The following TRIP12 variants were observed in gnomAD, a reference collection of about 807,000 sequenced individuals.
TRIP12 encodes the protein E3 ubiquitin-protein ligase TRIP12.
A neutral mutation model predicts 244.2 loss-of-function variants in TRIP12; 25 were observed. The observed-to-expected ratio is 0.10, with a 90% CI of 0.07 to 0.14. The LOEUF (loss-of-function observed/expected upper bound fraction) is 0.14, where lower values mean the gene tolerates loss of function less well. TRIP12 is among the 10% of genes least tolerant of loss of function. The pLI is 1.00. For missense variants in TRIP12, 1,677 were observed against 2,486.4 expected, an observed-to-expected ratio of 0.67 and a Z score of 6.92; for synonymous variants, 905 against 873.1, an observed-to-expected ratio of 1.04 and a Z score of -0.64.
Position 229,859,061 on chromosome 2 carries a change from G to T in TRIP12, c.738C>A (p.Ser246=). 6.2e-7 allele frequency: 1 copy of T among 1,614,026 alleles called. No individual in the cohort carries two copies. Among genetic ancestry groups the T allele is most frequent in the South Asian group, 1.1e-5 (1 of 91,078 alleles). ...AGGCCGAGGCTACAGCAGAAGACGAGGAGGAAGTAGAGGCAGCAGAAGAAG... is the reference window on the plus strand; with the variant it reads ...AGGCCGAGGCTACAGCAGAAGACGATGAGGAAGTAGAGGCAGCAGAAGAAG... ...TDSSSAASTS[S]SSSAVASASS... The change falls in exon 4 of 42, where the codon TCC becomes TCA. Residue 246 remains serine, a synonymous_variant. Transcript: ENST00000675903.
intron 8 of TRIP12, among the ~76,000 whole-genome samples, chr2:229,824,077 A>G (rs1382215009): frequency 2.0e-5 from 3 of 152,344 alleles, no homozygotes; most frequent in East Asian, 3.9e-4. Context: ...AGGTAAAACA[A>G]ATTAAATACA....
At chr2:229,811,301 A>C in intron 13 of TRIP12, 97 bp from the exon 14 acceptor site, 1 of 1,258,882 alleles carries the variant, frequency 7.9e-7, no homozygotes, top group Non-Finnish European at 1.1e-6. Context: ...CAGATTCTTC[A>C]AGGCAAGCTC....
chr2:229,888,921 G>A (rs929209169), intron 1 of TRIP12, among the ~76,000 whole-genome samples: 2 of 152,146 alleles, frequency 1.3e-5, no homozygotes, highest in Non-Finnish European at 2.9e-5. Context: ...TTTATAAAGA[G>A]AAGAGACAAT....
In TRIP12 at chr2:229,778,412, AGC is replaced by A. The variant is rs769845327; in HGVS notation, c.5364+19_5364+20del. 1.2e-5 allele frequency: 20 copies of A among 1,613,244 alleles called. No homozygotes were observed. In the East Asian group the frequency reaches 4.0e-4, roughly 32 times the overall value. On this transcript the variant is annotated intron_variant, in intron 36 of 41. Transcript: ENST00000675903. This position sits in a 1 kb window ranked among gnomAD's most constrained non-coding sequence, Gnocchi z 4.1. ...AACATTCTACACCAAAACTGCAAAA[AGC>A]AAACCATCCTAAACTTACCAATCTG...
At chr2:229,808,116 G>A (rs377728713) in intron 16 of TRIP12, 136 bp downstream of exon 16, 20 of 723,354 alleles carry the variant, frequency 2.8e-5, no homozygotes, top group African/African-American at 1.8e-4. Context: ...ACAGGCGCCC[G>A]CCACTACGCC....
chr2:229,814,476 A>G, intron 11 of TRIP12, 151 bp from the exon 12 acceptor site: 1 of 640,092 alleles, frequency 1.6e-6, no homozygotes, highest in Non-Finnish European at 2.6e-6. Flanking sequence ...AGCTTAAGCT[A>G]CAAAGTATAG....
intron 4 of TRIP12, among the ~76,000 whole-genome samples, chr2:229,852,285 TAATTAC>T (rs1436222016): frequency 2.6e-5 from 4 of 152,212 alleles, no homozygotes; most frequent in Admixed American, 6.5e-5. Flanking sequence ...ACAGGTTCCA[TAATTAC>T]TCAGATTTTG....
chr2:229,832,231 A>C (rs990220249), intron 6 of TRIP12, among the ~76,000 whole-genome samples: 2 of 152,264 alleles, frequency 1.3e-5, no homozygotes, highest in Non-Finnish European at 2.9e-5. Context: ...GGCCAAATCC[A>C]GTCCACCACA....
rs879028246 is a variant in TRIP12, at chr2:229,796,771, T to C, written c.3636A>G (p.Gly1212=). Residue 1212 remains glycine, a synonymous_variant, in exon 25 of 42, where the codon GGA becomes GGG. Transcript: ENST00000675903. ...TACGGATTTCTACAAGGCACTCAGCTCCACCATCCACCTGAAAGAGTTAGG... is the reference window on the plus strand; with the variant it reads ...TACGGATTTCTACAAGGCACTCAGCCCCACCATCCACCTGAAAGAGTTAGG... ...TEQLNLQVDG[G]AECLVEIRSI... The C allele has an allele frequency of 1.9e-6, 3 of 1,576,078 alleles. No individual in the cohort carries two copies. The highest frequency in any genetic ancestry group is 2.3e-5 in the East Asian group (1 of 44,336).
At chr2:229,791,040 A>T in intron 30 of TRIP12, 84 bp downstream of exon 30, 3 of 1,552,760 alleles carry the variant, frequency 1.9e-6, no homozygotes, top group Non-Finnish European at 2.6e-6. Flanking sequence ...TTTTACTACT[A>T]AATCCAAATC....
At chr2:229,870,860 CTTCA>C (rs946779306) in intron 2 of TRIP12, among the ~76,000 whole-genome samples, 11 of 152,152 alleles carry the variant, frequency 7.2e-5, no homozygotes, top group African/African-American at 2.7e-4. Flanking sequence ...TTGAGTGTGG[CTTCA>C]TTATTTCACT....
intron 2 of TRIP12, among the ~76,000 whole-genome samples, chr2:229,866,366 A>C (rs1235302626): frequency 6.6e-6 from 1 of 152,206 alleles, no homozygotes; most frequent in East Asian, 1.9e-4. Flanking sequence ...GACTCCAAAT[A>C]CAGATGCACT....
At chr2:229,879,703 G>C (rs559867639) in intron 2 of TRIP12, among the ~76,000 whole-genome samples, 1 of 152,306 alleles carries the variant, frequency 6.6e-6, no homozygotes, top group East Asian at 1.9e-4. Context: ...TACATTTAAC[G>C]AAGTGAAGAG....
At position 229,785,789 on chromosome 2, in the gene TRIP12, G is replaced by A. The variant is rs2154253509; in HGVS notation, c.5062C>T (p.Arg1688Trp). The change falls in exon 34 of 42, where the codon CGG becomes TGG. Residue 1688 changes from arginine to tryptophan, a missense_variant. Coordinates refer to ENST00000675903, the MANE Select transcript of TRIP12 (RefSeq NM_001348323.3). ...ESVMQDLGSS[R>W]AMLEIQYENE... ...TCATACTGGATTTCTAACATGGCCC[G>A]TGAGCTGCCGAGGTCCTGCATCACA... is the stretch of plus-strand genomic sequence containing the variant. 1.2e-6 allele frequency: 2 copies of A among 1,613,450 alleles called. No individual in the cohort carries two copies. Among genetic ancestry groups the A allele is most frequent in the Non-Finnish European group, 1.7e-6 (2 of 1,179,750 alleles).
rs184040222 is a variant in TRIP12, at chr2:229,819,180, T to C, written c.1451-668A>G. Among the ~76,000 whole-genome samples the C allele has an allele frequency of 2.8e-3, 419 of 151,838 alleles. 7 individuals are homozygous for C. The highest frequency in any genetic ancestry group is 3.7e-3 in the Non-Finnish European group (252 of 67,984). ...AGACTTAATTCCACTACTCCAACAA[T>C]TGAAAAATGTGAATACTCAACAACC... On this transcript the variant is annotated intron_variant, in intron 8 of 41. Transcript: ENST00000675903.
Position 229,815,232 on chromosome 2 carries a change from A to G in TRIP12, c.1636-38T>C, listed in dbSNP as rs370229099. 3.2e-6 allele frequency: 5 copies of G among 1,562,704 alleles called. No homozygotes were observed. The East Asian group carries it at 9.0e-5, about 28-fold the overall frequency. On this transcript the variant is annotated intron_variant, in intron 10 of 41. Transcript: ENST00000675903. ...AGATTTTAATGAGTAAAAACTCAAA[A>G]CTTAAATATACACCATTAAAAAAAT...
intron 1 of TRIP12, among the ~76,000 whole-genome samples, chr2:229,917,079 G>A (rs186323867): frequency 7.2e-5 from 11 of 152,128 alleles, no homozygotes; most frequent in Non-Finnish European, 1.0e-4. Flanking sequence ...TACACTACAC[G>A]TTAAGAATTA....
intron 8 of TRIP12, among the ~76,000 whole-genome samples, chr2:229,823,223 A>G (rs1003543387): frequency 6.6e-6 from 1 of 152,242 alleles, no homozygotes; most frequent in African/African-American, 2.4e-5. Flanking sequence ...CACATATTCA[A>G]AAGTTCAGTG....
chr2:229,920,158 T>C, intron 1 of TRIP12, among the ~76,000 whole-genome samples: 1 of 152,194 alleles, frequency 6.6e-6, no homozygotes. Context: ...CTGAGCGTCG[T>C]TTTACCCCAC....
Sources: allele counts gnomAD v4.1 joint callset (sites outside exome capture counted in the v4.1 genomes callset), GRCh38; gene constraint gnomAD v4.1.1; non-coding constraint Gnocchi (gnomAD v3.1); transcripts MANE v1.5; gene names NCBI Gene and HGNC (gene_info 2026-07-23, HGNC 2026-07-21).